The following RNF169 variants were observed in gnomAD, a reference collection of about 807,000 sequenced individuals.
RNF169 encodes ring finger protein 169.
Under a neutral mutation model 53.9 loss-of-function variants are expected in RNF169, and 24 were observed. That is an observed-to-expected ratio of 0.45 (90% CI 0.32 to 0.63). The LOEUF (loss-of-function observed/expected upper bound fraction) is 0.63, where lower values mean the gene tolerates loss of function less well. RNF169 is among the 20% of genes least tolerant of loss of function. The pLI is 0.04. For missense variants in RNF169, 883 were observed against 906.2 expected (o/e 0.97, Z 0.33); for synonymous variants, 396 against 363.5 (o/e 1.09, Z -1.02).
At chr11:74,801,984 C>T (rs558901659) in intron 2 of RNF169, among the ~76,000 whole-genome samples, 1 of 152,256 alleles carries the variant, frequency 6.6e-6, no homozygotes, top group African/African-American at 2.4e-5. Context: ...GTTTCAGGTG[C>T]ATCATTTTAT....
intron 1 of RNF169, among the ~76,000 whole-genome samples, chr11:74,776,237 A>G (rs118165233): frequency 3.4e-4 from 51 of 152,232 alleles, no homozygotes; most frequent in Non-Finnish European, 6.0e-4. Flanking sequence ...CTGATGTTCA[A>G]TTTTGGTGTT....
intron 1 of RNF169, among the ~76,000 whole-genome samples, chr11:74,774,228 C>A (rs568247437): frequency 7.2e-5 from 11 of 152,018 alleles, no homozygotes; most frequent in Admixed American, 6.6e-4. Flanking sequence ...TGCCTGTAAT[C>A]CCGGCTGCTC....
At chr11:74,827,358 C>T (rs368825831) in intron 4 of RNF169, among the ~76,000 whole-genome samples, 6 of 152,220 alleles carry the variant, frequency 3.9e-5, no homozygotes, top group African/African-American at 1.2e-4. Flanking sequence ...ACCATTTTCT[C>T]CTCCTAGCTT....
At chr11:74,830,173 A>AT (rs1231108864) in intron 4 of RNF169, among the ~76,000 whole-genome samples, 1 of 152,176 alleles carries the variant, frequency 6.6e-6, no homozygotes, top group African/African-American at 2.4e-5. Context: ...AAGGAAAGAA[A>AT]TAATAAAGAT....
intron 2 of RNF169, chr11:74,808,285 C>T (rs1192761802): frequency 6.6e-6 from 1 of 152,160 alleles, no homozygotes; most frequent in African/African-American, 2.4e-5. Context: ...ATGTTAACAA[C>T]ATTAAGCACC....
intron 5 of RNF169, 30 bp downstream of exon 5, chr11:74,834,805 T>C (rs745691796): frequency 1.3e-6 from 2 of 1,498,228 alleles, no homozygotes; most frequent in South Asian, 1.2e-5. Flanking sequence ...CTCCGGGGCT[T>C]GTGAGGCTTG....
chr11:74,827,048 G>GCATT (rs1306560684), intron 4 of RNF169, among the ~76,000 whole-genome samples: 1 of 152,196 alleles, frequency 6.6e-6, no homozygotes, highest in Non-Finnish European at 1.5e-5. Flanking sequence ...CTCAGTGTGG[G>GCATT]CATTTCCCTT....
At chr11:74,804,440 A>G (rs2035777067) in intron 2 of RNF169, among the ~76,000 whole-genome samples, 1 of 152,202 alleles carries the variant, frequency 6.6e-6, no homozygotes, top group Admixed American at 6.5e-5. Context: ...AGCCTGTCAT[A>G]TCTGTCATGT....
At position 74,836,359 on chromosome 11, in the gene RNF169, G is replaced by A. The variant is rs2036257305; in HGVS notation, c.1756G>A (p.Val586Ile). ...VLPQNSVLGG[V>I]LKTKQQLKTL... ...ACCCCAAAACAGTGTTTTGGGTGGA[G>A]TCCTCAAAACAAAGCAACAATTGAA... Residue 586 changes from valine (V) to isoleucine (I), a missense_variant, in exon 6 of 6, where the codon GTC becomes ATC. Coordinates refer to ENST00000299563, the MANE Select transcript of RNF169 (RefSeq NM_001098638.2). The A allele has an allele frequency of 1.2e-6, 2 of 1,614,116 alleles. No individual in the cohort carries two copies. Among genetic ancestry groups the A allele is most frequent in the Non-Finnish European group, 1.7e-6 (2 of 1,179,980 alleles).
rs190366535 is a variant in RNF169 at position 74,776,451 on chromosome 11, A to T, written c.503-13175A>T. ...AAATTCAGCTACCTTCAGAAAACGA[A>T]TTCTTTAAAAGACCATAGTGCAAAA... On this transcript the variant is annotated intron_variant, in intron 1 of 5. Coordinates refer to ENST00000299563, the MANE Select transcript of RNF169 (RefSeq NM_001098638.2). Among the ~76,000 whole-genome samples the T allele has an allele frequency of 1.3e-3, 197 of 146,056 alleles. 1 individual carries two copies. The South Asian group carries it at 0.021, about 16-fold the overall frequency.
chr11:74,817,981 G>C (rs1026077509), intron 4 of RNF169, among the ~76,000 whole-genome samples: 38 of 152,278 alleles, frequency 2.5e-4, no homozygotes, highest in Non-Finnish European at 5.0e-4. Flanking sequence ...TATCTTGGGA[G>C]GAAACAACAA....
At chr11:74,760,542 T>C (rs1033450211) in intron 1 of RNF169, among the ~76,000 whole-genome samples, 1 of 152,138 alleles carries the variant, frequency 6.6e-6, no homozygotes, top group Non-Finnish European at 1.5e-5. Flanking sequence ...AAGAACATCT[T>C]TATGTCTGCC....
chr11:74,795,219 CTTTT>C (rs71471318), intron 2 of RNF169, among the ~76,000 whole-genome samples: 81 of 118,884 alleles, frequency 6.8e-4, no homozygotes, highest in Middle Eastern at 4.3e-3. Flanking sequence ...TGTAGATACT[CTTTT>C]TTTTTTTTTT....
At position 74,838,069 on chromosome 11, in the gene RNF169, GATAC is replaced by G. The variant is rs2036283896; in HGVS notation, c.*1340_*1343del. 1 of 152,174 alleles carries G rather than the reference GATAC, an allele frequency of 6.6e-6. No homozygotes were observed. The highest frequency in any genetic ancestry group is 2.4e-5 in the African/African-American group (1 of 41,434). The allele number at this position is 152,174 out of a possible 1,614,324, so 9.4% of individuals were successfully genotyped here. On this transcript the variant is annotated 3_prime_UTR_variant, in exon 6 of 6. Transcript: ENST00000299563. Reference sequence around the variant, plus strand: ...TGTTTCCTTTGAGTAGCCCCAGCAGGATACTGCTTAGTTTTTCCAGTGCCATTGG... The same window carrying G: ...TGTTTCCTTTGAGTAGCCCCAGCAGGTGCTTAGTTTTTCCAGTGCCATTGG...
At chr11:74,800,427 G>C (rs1442079849) in intron 2 of RNF169, among the ~76,000 whole-genome samples, 2 of 152,180 alleles carry the variant, frequency 1.3e-5, no homozygotes, top group East Asian at 3.8e-4. Flanking sequence ...ATTAAGAGCT[G>C]ACTACTTGAG....
chr11:74,834,641 T>G lies in RNF169; in HGVS notation c.843-35T>G. ...TTTTCCTTACCTATATATGGACTAA[T>G]TTTGACTACTCGTTTTTTATTTATT... On this transcript the variant is annotated intron_variant, in intron 4 of 5. Coordinates refer to ENST00000299563, the MANE Select transcript of RNF169 (RefSeq NM_001098638.2). The G allele has an allele frequency of 1.9e-6, 3 of 1,541,074 alleles. 1 individual carries two copies. In the South Asian group the frequency reaches 3.5e-5, roughly 18 times the overall value.
intron 1 of RNF169, among the ~76,000 whole-genome samples, chr11:74,770,255 G>T (rs2035240707): frequency 6.6e-6 from 1 of 152,258 alleles, no homozygotes; most frequent in Non-Finnish European, 1.5e-5. Context: ...GAACTTGAGA[G>T]TCTAAGCGAT....
Position 74,798,512 on chromosome 11 carries a change from A to G in RNF169, c.576+8813A>G, listed in dbSNP as rs185197278. Reference sequence around the variant, plus strand: ...CCTGTCTCCTGATAAGATGTTATCAATGACAGTGGTACCCGAAACTTCATT... The same window carrying G: ...CCTGTCTCCTGATAAGATGTTATCAGTGACAGTGGTACCCGAAACTTCATT... On this transcript the variant is annotated intron_variant, in intron 2 of 5. Transcript: ENST00000299563. Among the ~76,000 whole-genome samples, 365 of 152,316 alleles carry G rather than the reference A, an allele frequency of 2.4e-3. 2 individuals are homozygous for G. Among genetic ancestry groups the G allele is most frequent in the African/African-American group, 8.5e-3 (355 of 41,554 alleles).
At chr11:74,763,127 T>A (rs1280798211) in intron 1 of RNF169, among the ~76,000 whole-genome samples, 2 of 152,182 alleles carry the variant, frequency 1.3e-5, no homozygotes, top group Non-Finnish European at 2.9e-5. Flanking sequence ...CCTGAGAAAT[T>A]GAAGCACAAG....
Sources: gnomAD v4.1 joint callset for allele counts (sites outside exome capture counted in the v4.1 genomes callset) on GRCh38, gnomAD v4.1.1 for gene constraint, MANE v1.5 for transcripts, NCBI Gene and HGNC (gene_info 2026-07-23, HGNC 2026-07-21) for gene names.